CYP2E1: variants seen among roughly 807,000 people sequenced by gnomAD.
CYP2E1 encodes cytochrome P450 2E1.
A neutral mutation model predicts 42.9 loss-of-function variants in CYP2E1; 31 were observed. The observed-to-expected ratio is 0.72, with a 90% CI of 0.54 to 0.98. The LOEUF is 0.98. CYP2E1 is among the 50% of genes least tolerant of loss of function. The pLI, the probability that CYP2E1 is intolerant of heterozygous loss-of-function variation, is 0.00. For synonymous variants in CYP2E1, 244 were observed against 248.9 expected, an observed-to-expected ratio of 0.98 and a Z score of 0.19; for missense variants, 565 against 633.2, an observed-to-expected ratio of 0.89 and a Z score of 1.16.
Position 133,533,901 on chromosome 10 carries a change from G to T in CYP2E1, c.967+4G>T. The T allele has an allele frequency of 6.2e-7, 1 of 1,614,074 alleles. No individual in the cohort carries two copies. Among genetic ancestry groups the T allele is most frequent in the Non-Finnish European group, 8.5e-7 (1 of 1,179,980 alleles). ...ATGAAATACCCTGAGATCGAAGGTA[G>T]GCAAGTGACTGAAGGGACACCGTGC... On this transcript the variant is annotated splice_donor_region_variant and intron_variant, in intron 6 of 8. Transcript: ENST00000252945.
chr10:133,529,494 C>G (rs1455741239), intron 2 of CYP2E1, among the ~76,000 whole-genome samples: 2 of 152,234 alleles, frequency 1.3e-5, no homozygotes. Flanking sequence ...CTTCCTGGGT[C>G]AACTTTGATG....
rs991726526 is a variant in CYP2E1, at chr10:133,531,724, G to T, written c.477G>T (p.Arg159Ser). The change falls in exon 3 of 9, where the codon AGG (arginine) becomes AGT (serine). Residue 159 changes from arginine (R) to serine (S), a missense_variant. Coordinates refer to ENST00000252945, the MANE Select transcript of CYP2E1 (RefSeq NM_000773.4). ...CCCACTTCCTGCTGGAAGCACTCAG[G>T]AAGACCCAAGGTGCGTATCTGCTGC... ...REAHFLLEAL[R>S]KTQGQPFDPT... 7 of 1,598,034 alleles carry T rather than the reference G, an allele frequency of 4.4e-6. No homozygotes were observed. Among genetic ancestry groups the T allele is most frequent in the Non-Finnish European group, 6.0e-6 (7 of 1,172,588 alleles).
In CYP2E1 at chr10:133,532,923, A is replaced by G. The variant is rs993705984; in HGVS notation, c.825+55A>G. Reference sequence around the variant, plus strand: ...CTCCGGGGTGGGCAGAGAATGCACAATTTCAGATTTACAGAGTGAGCTGCA... The same window carrying G: ...CTCCGGGGTGGGCAGAGAATGCACAGTTTCAGATTTACAGAGTGAGCTGCA... On this transcript the variant is annotated intron_variant, in intron 5 of 8. Transcript: ENST00000252945. 7 of 1,494,156 alleles carry G rather than the reference A, an allele frequency of 4.7e-6. No homozygotes were observed. The Admixed American group carries it at 1.1e-4, about 24-fold the overall frequency. The allele number at this position is 1,494,156 out of a possible 1,614,324, so 92.6% of individuals were successfully genotyped here. A position where few individuals can be genotyped will look rare whatever the true frequency, so the allele number is the denominator to read the frequency against.
rs1163611866 is a variant in CYP2E1, at chr10:133,532,787, A to G, written c.744A>G (p.Glu248=). The G allele has an allele frequency of 6.2e-7, 1 of 1,613,582 alleles. No individual in the cohort carries two copies. The highest frequency in any genetic ancestry group is 1.3e-5 in the African/African-American group (1 of 74,884). ...NVAEVKEYVS[E]RVKEHHQSLD... is the part of the protein sequence containing the mutation. The stretch of plus-strand genomic sequence containing the variant: ...CTGAAGTAAAAGAGTATGTGTCTGA[A>G]AGGGTGAAGGAGCACCATCAATCTC... Residue 248 remains glutamate (E), a synonymous_variant, in exon 5 of 9, where the codon GAA becomes GAG. Coordinates refer to ENST00000252945, the MANE Select transcript of CYP2E1 (RefSeq NM_000773.4).
At position 133,537,755 on chromosome 10, in the gene CYP2E1, C is replaced by G; in HGVS notation, c.1160C>G (p.Thr387Arg). The G allele has an allele frequency of 6.2e-7, 1 of 1,612,706 alleles. No individual in the cohort carries two copies. The highest frequency in any genetic ancestry group is 8.5e-7 in the Non-Finnish European group (1 of 1,179,386). ...GACAGTCTTTGTTTCTCCTAGGGCA[C>G]AGTCGTAGTGCCAACTCTGGACTCT... ...IFRGYLIPKG[T>R]VVVPTLDSVL... is the part of the protein sequence containing the mutation. Residue 387 changes from threonine (T) to arginine (R), a missense_variant, in exon 8 of 9, where the codon ACA (threonine) becomes AGA (arginine). Transcript: ENST00000252945.
intron 8 of CYP2E1, 130 bp from the exon 9 acceptor site, chr10:133,538,650 G>T: frequency 1.3e-6 from 1 of 748,144 alleles, no homozygotes; most frequent in Non-Finnish European, 2.3e-6. Context: ...AGGCAGAGAA[G>T]GGTGAGTCCT....
In CYP2E1 at chr10:133,539,012, ATTGT is replaced by A. The variant is rs1851444475; in HGVS notation, c.*52_*55del. On this transcript the variant is annotated 3_prime_UTR_variant, in exon 9 of 9. Transcript: ENST00000252945. ...CCCCCGCTTTCAAACAAGTTTTCAA[ATTGT>A]TTGAGGTCAGGATTTCTCAAACTGA... is the stretch of plus-strand genomic sequence containing the variant. 2 of 1,475,332 alleles carry A rather than the reference ATTGT, an allele frequency of 1.4e-6. No individual in the cohort carries two copies. Among genetic ancestry groups the A allele is most frequent in the Non-Finnish European group, 1.8e-6 (2 of 1,092,146 alleles). 91.4% of individuals were successfully genotyped at this position (1,475,332 alleles called of 1,614,324 possible). A position where few individuals can be genotyped will look rare whatever the true frequency, so the allele number is the denominator to read the frequency against.
At chr10:133,531,976 A>G in intron 3 of CYP2E1, 148 bp from the exon 4 acceptor site, 1 of 837,196 alleles carries the variant, frequency 1.2e-6, no homozygotes, top group Admixed American at 2.6e-5. Context: ...AGGAAACTCA[A>G]ACAGGTTCAG....
chr10:133,529,714 G>A (rs1305481719), intron 2 of CYP2E1, among the ~76,000 whole-genome samples: 1 of 152,266 alleles, frequency 6.6e-6, no homozygotes. Context: ...GCGCTCTGCG[G>A]GGCGCGGGCT....
intron 1 of CYP2E1, 75 bp from the exon 2 acceptor site, chr10:133,528,406 G>A (rs1851296623): frequency 6.1e-5 from 95 of 1,556,058 alleles, no homozygotes; most frequent in Non-Finnish European, 7.0e-5. Context: ...ATACCCGCCC[G>A]GCAGGGGTGT....
rs28371745 is a variant in CYP2E1, at chr10:133,533,724, C to T, written c.826-32C>T. ...CTGTGCTGAAAGGAGACAAGCAGCCCCTTCTCCTCCGGTCTGTCTCCGGTA... is the reference window on the plus strand; with the variant it reads ...CTGTGCTGAAAGGAGACAAGCAGCCTCTTCTCCTCCGGTCTGTCTCCGGTA... On this transcript the variant is annotated intron_variant, in intron 5 of 8. Transcript: ENST00000252945. 470 of 1,610,278 alleles carry T rather than the reference C, an allele frequency of 2.9e-4. 5 individuals carry two copies. In the East Asian group the frequency reaches 9.2e-3, roughly 32 times the overall value.
At chr10:133,538,118 AT>A (rs8192778) in intron 8 of CYP2E1, among the ~76,000 whole-genome samples, 16,800 of 150,564 alleles carry the variant, frequency 0.11, 934 homozygotes, top group East Asian at 0.26. Context: ...TTGTAGGTGG[AT>A]TTTTTTTTTC....
At chr10:133,528,237 A>G in intron 1 of CYP2E1, 1 of 429,008 alleles carries the variant, frequency 2.3e-6, no homozygotes, top group Non-Finnish European at 4.2e-6. Context: ...GTTGCCGCGG[A>G]GTTGTCCGCG....
Position 133,532,252 on chromosome 10 carries a change from A to G in CYP2E1, c.616A>G (p.Asn206Asp). ...FLRLMYLFNE[N>D]FHLLSTPWLQ... ...AAGGCTGATGTATTTGTTTAATGAG[A>G]ACTTCCACCTACTCAGCACTCCCTG... Residue 206 changes from asparagine (N) to aspartate (D), a missense_variant, in exon 4 of 9, where the codon AAC (asparagine) becomes GAC (aspartate). Transcript: ENST00000252945. 6.2e-7 allele frequency: 1 copy of G among 1,613,812 alleles called. No individual in the cohort carries two copies. Among genetic ancestry groups the G allele is most frequent in the East Asian group, 2.2e-5 (1 of 44,876 alleles).
At position 133,532,823 on chromosome 10, in the gene CYP2E1, C is replaced by G; in HGVS notation, c.780C>G (p.Asn260Lys). The change falls in exon 5 of 9, where the codon AAC (asparagine) becomes AAG (lysine). Residue 260 changes from asparagine to lysine, a missense_variant. Asn to Lys is a moderately conservative substitution (Grantham distance 94). Transcript: ENST00000252945. ...AGCACCATCAATCTCTGGACCCCAA[C>G]TGTCCCCGGGACCTCACCGACTGCC... ...VKEHHQSLDP[N>K]CPRDLTDCLL... 1 of 1,613,142 alleles carries G rather than the reference C, an allele frequency of 6.2e-7. No homozygotes were observed. The highest frequency in any genetic ancestry group is 8.5e-7 in the Non-Finnish European group (1 of 1,179,790).
At chr10:133,536,708 A>G (rs1336386595) in intron 6 of CYP2E1, among the ~76,000 whole-genome samples, 13 of 55,658 alleles carry the variant, frequency 2.3e-4, no homozygotes, top group Non-Finnish European at 2.6e-4. Flanking sequence ...AGGGTGGATA[A>G]ATGGGTGGAT....
Position 133,532,140 on chromosome 10 carries a change from C to T in CYP2E1, c.504C>T (p.Pro168=), listed in dbSNP as rs1851345579. 5.0e-6 allele frequency: 8 copies of T among 1,613,784 alleles called. No individual in the cohort carries two copies. Among genetic ancestry groups the T allele is most frequent in the Non-Finnish European group, 6.8e-6 (8 of 1,179,906 alleles). Residue 168 remains proline (P), a synonymous_variant, in exon 4 of 9, where the codon CCC becomes CCT. Transcript: ENST00000252945. ...GTTTTGTAGGCCAGCCTTTCGACCCCACCTTCCTCATCGGCTGCGCGCCCT... is the reference window on the plus strand; with the variant it reads ...GTTTTGTAGGCCAGCCTTTCGACCCTACCTTCCTCATCGGCTGCGCGCCCT... ...LRKTQGQPFD[P]TFLIGCAPCN...
chr10:133,534,726 G>A (rs1191840240), intron 6 of CYP2E1, among the ~76,000 whole-genome samples: 3 of 152,194 alleles, frequency 2.0e-5, no homozygotes, highest in East Asian at 1.9e-4. Context: ...GTCACTTGTG[G>A]TCTTAAGGCT....
rs1851416923 is a variant in CYP2E1 at position 133,537,190 on chromosome 10, C to T, written c.1095C>T (p.Pro365=). 6.2e-7 allele frequency: 1 copy of T among 1,613,962 alleles called. No individual in the cohort carries two copies. Among genetic ancestry groups the T allele is most frequent in the Non-Finnish European group, 8.5e-7 (1 of 1,179,988 alleles). Residue 365 remains proline (P), a synonymous_variant, in exon 7 of 9, where the codon CCC becomes CCT. Transcript: ENST00000252945. ...TTCAGCGGTTCATCACCCTCGTGCCCTCCAACCTGCCCCATGAAGCAACCC... is the reference window on the plus strand; with the variant it reads ...TTCAGCGGTTCATCACCCTCGTGCCTTCCAACCTGCCCCATGAAGCAACCC... ...HEIQRFITLV[P]SNLPHEATRD... is the part of the protein sequence containing the mutation.
Sources: gnomAD v4.1 joint callset for allele counts (sites outside exome capture counted in the v4.1 genomes callset) on GRCh38, gnomAD v4.1.1 for gene constraint, MANE v1.5 for transcripts, NCBI Gene and HGNC (gene_info 2026-07-23, HGNC 2026-07-21) for gene names.